Variants in SLC14A2 observed in about 807,000 individuals in gnomAD.
SLC14A2 encodes the protein solute carrier family 14 member 2, also known as urea transporter 2.
In SLC14A2, 91 loss-of-function variants were observed where a neutral mutation model predicts 104.6. The observed-to-expected ratio is 0.87, with a 90% CI of 0.73 to 1.04. The LOEUF (loss-of-function observed/expected upper bound fraction) is 1.04. SLC14A2 is among the 50% of genes least tolerant of loss of function. The pLI is 0.00. For missense variants in SLC14A2, 1,189 were observed against 1,156.0 expected (o/e 1.03, Z -0.41); for synonymous variants, 476 against 466.4 (o/e 1.02, Z -0.27).
chr18:45,440,218 G>A (rs1303282091), intron 1 of SLC14A2, among the ~76,000 whole-genome samples: 1 of 148,720 alleles, frequency 6.7e-6, no homozygotes, highest in African/African-American at 2.5e-5. Context: ...CATTTTTCAA[G>A]TTTTTTTTTT....
intron 1 of SLC14A2, among the ~76,000 whole-genome samples, chr18:45,470,197 T>C (rs988141285): frequency 3.3e-5 from 5 of 152,236 alleles, no homozygotes; most frequent in Admixed American, 3.3e-4. Context: ...CAATAAAGTT[T>C]CTATCTTTGT....
chr18:45,461,804 T>A (rs545180118), intron 1 of SLC14A2, among the ~76,000 whole-genome samples: 44 of 152,342 alleles, frequency 2.9e-4, no homozygotes, highest in African/African-American at 9.4e-4. Context: ...CAGCATTTTT[T>A]AAAAAGAGAC....
intron 1 of SLC14A2, among the ~76,000 whole-genome samples, chr18:45,355,150 T>C (rs1237831963): frequency 6.6e-6 from 1 of 152,076 alleles, no homozygotes; most frequent in Non-Finnish European, 1.5e-5. Flanking sequence ...GTCTGTGAAA[T>C]GGGGACAATC....
chr18:45,458,667 A>T (rs1203845913), intron 1 of SLC14A2, among the ~76,000 whole-genome samples: 1 of 152,200 alleles, frequency 6.6e-6, no homozygotes, highest in Non-Finnish European at 1.5e-5. Flanking sequence ...TATCTAGTCC[A>T]GCCTCCTCTT....
Position 45,663,782 on chromosome 18 carries a change from T to G in SLC14A2, c.1352-3T>G. ...TGACCTGTCTTGTTTTGCCCCTGGC[T>G]AGGAGGCGGTGGGGAGCATCCACCC... is the stretch of plus-strand genomic sequence containing the variant. On this transcript the variant is annotated splice_polypyrimidine_tract_variant and splice_region_variant and intron_variant, in intron 10 of 19. Transcript: ENST00000255226. 6.2e-7 allele frequency: 1 copy of G among 1,611,812 alleles called. No homozygotes were observed. The highest frequency in any genetic ancestry group is 8.5e-7 in the Non-Finnish European group (1 of 1,179,536).
chr18:45,480,226 G>A (rs1423837056), intron 1 of SLC14A2, among the ~76,000 whole-genome samples: 1 of 152,142 alleles, frequency 6.6e-6, no homozygotes, highest in Admixed American at 6.5e-5. Flanking sequence ...CAAAAACTTT[G>A]CTACCTGTCC....
At chr18:45,429,757 C>T (rs1406783202) in intron 1 of SLC14A2, among the ~76,000 whole-genome samples, 5 of 152,198 alleles carry the variant, frequency 3.3e-5, no homozygotes, top group Non-Finnish European at 5.9e-5. Context: ...CCTGGGGCAC[C>T]TGGAAGTCTC....
chr18:45,607,203 T>C (rs2044886559), intron 2 of SLC14A2, among the ~76,000 whole-genome samples: 1 of 152,198 alleles, frequency 6.6e-6, no homozygotes, highest in Non-Finnish European at 1.5e-5. Context: ...ATTCTTCAAT[T>C]AGTGGGTTGT....
chr18:45,409,531 A>G (rs1165993948), intron 1 of SLC14A2, among the ~76,000 whole-genome samples: 1 of 152,166 alleles, frequency 6.6e-6, no homozygotes, highest in East Asian at 1.9e-4. Context: ...AAACCCTTTT[A>G]TAACTTTGAT....
At chr18:45,602,937 T>G (rs1029282221) in intron 2 of SLC14A2, among the ~76,000 whole-genome samples, 1 of 152,150 alleles carries the variant, frequency 6.6e-6, no homozygotes, top group African/African-American at 2.4e-5. Context: ...ACTTGTTATT[T>G]CCAAAAACAA....
chr18:45,620,574 T>C (rs947144275), intron 1 of SLC14A2, among the ~76,000 whole-genome samples: 1 of 152,184 alleles, frequency 6.6e-6, no homozygotes, highest in African/African-American at 2.4e-5. Context: ...AGGCTTTCTG[T>C]TGGGTGGTAT....
intron 1 of SLC14A2, among the ~76,000 whole-genome samples, chr18:45,246,806 C>T (rs1354799795): frequency 1.3e-5 from 2 of 152,052 alleles, no homozygotes; most frequent in Non-Finnish European, 2.9e-5. Flanking sequence ...GTCAGGAGTT[C>T]GAGACCAGCC....
the SLC14A2 span, among the ~76,000 whole-genome samples, chr18:45,189,871 T>A: frequency 6.6e-6 from 1 of 151,882 alleles, no homozygotes; most frequent in Non-Finnish European, 1.5e-5. Context: ...AGGCAGGCAG[T>A]CCCATCCCTA....
intron 5 of SLC14A2, chr18:45,635,081 A>G (rs1599094396): frequency 3.0e-6 from 1 of 337,822 alleles, no homozygotes; most frequent in East Asian, 7.9e-5. Context: ...TTGCCTAAGT[A>G]CCTAGGTTGA....
At chr18:45,275,584 G>A (rs535683355) in intron 1 of SLC14A2, among the ~76,000 whole-genome samples, 1 of 152,296 alleles carries the variant, frequency 6.6e-6, no homozygotes, top group South Asian at 2.1e-4. Context: ...CCATATGCCA[G>A]AGCTATTGTG....
chr18:45,556,769 A>G (rs2044138527), intron 2 of SLC14A2, among the ~76,000 whole-genome samples: 1 of 152,234 alleles, frequency 6.6e-6, no homozygotes, highest in African/African-American at 2.4e-5. Flanking sequence ...AAATCCACAG[A>G]TGTGTTGACT....
intron 1 of SLC14A2, among the ~76,000 whole-genome samples, chr18:45,263,159 C>T (rs1027428527): frequency 2.0e-5 from 3 of 152,200 alleles, no homozygotes; most frequent in African/African-American, 7.2e-5. Flanking sequence ...GTCAAGTCCT[C>T]AGTGTTTCCT....
At chr18:45,398,949 A>T (rs2086065919) in intron 1 of SLC14A2, among the ~76,000 whole-genome samples, 1 of 152,254 alleles carries the variant, frequency 6.6e-6, no homozygotes, top group South Asian at 2.1e-4. Flanking sequence ...TATGTCATCG[A>T]ACGAACATTT....
the SLC14A2 span, among the ~76,000 whole-genome samples, chr18:45,188,012 T>C: frequency 6.6e-6 from 1 of 152,170 alleles, no homozygotes; most frequent in East Asian, 1.9e-4. Context: ...CTGTCAGTGC[T>C]AATAGAGGGT....
Sources: allele counts gnomAD v4.1 joint callset (sites outside exome capture counted in the v4.1 genomes callset), GRCh38; gene constraint gnomAD v4.1.1; transcripts MANE v1.5; gene names NCBI Gene and HGNC (gene_info 2026-07-23, HGNC 2026-07-21).